SLC30A8: variants seen among roughly 807,000 people sequenced by gnomAD.
SLC30A8 encodes the protein solute carrier family 30 member 8, also known as proton-coupled zinc antiporter SLC30A8.
A neutral mutation model predicts 36.9 loss-of-function variants in SLC30A8; 27 were observed. That is an observed-to-expected ratio of 0.73 (90% CI 0.54 to 1.01). The LOEUF is 1.01. SLC30A8 is among the 50% of genes least tolerant of loss of function. The probability of loss-of-function intolerance (pLI) is 0.00; values close to 1 mark genes in which losing one functional copy is unlikely to be tolerated. For missense variants in SLC30A8, 439 were observed against 452.0 expected, an observed-to-expected ratio of 0.97 and a Z score of 0.26; for synonymous variants, 164 against 172.4, an observed-to-expected ratio of 0.95 and a Z score of 0.38.
At chr8:117,101,039 C>T (rs1014642609) in intron 2 of SLC30A8, among the ~76,000 whole-genome samples, 1 of 152,070 alleles carries the variant, frequency 6.6e-6, no homozygotes, top group African/African-American at 2.4e-5. Flanking sequence ...AAGAGTAAAT[C>T]GATTGATGAC....
At chr8:117,071,905 T>C (rs62510508) in intron 2 of SLC30A8, among the ~76,000 whole-genome samples, 8,460 of 152,198 alleles carry the variant, frequency 0.056, 280 homozygotes, top group East Asian at 0.12. Flanking sequence ...CTCTGCCTTG[T>C]TTTATTCTGT....
At chr8:117,158,339 G>A (rs1822608067) in intron 4 of SLC30A8, among the ~76,000 whole-genome samples, 1 of 152,146 alleles carries the variant, frequency 6.6e-6, no homozygotes, top group Non-Finnish European at 1.5e-5. Flanking sequence ...CCAGTGAGCT[G>A]GGTGGAAAGG....
chr8:117,008,107 G>A (rs1816238829), intron 1 of SLC30A8, among the ~76,000 whole-genome samples: 1 of 152,176 alleles, frequency 6.6e-6, no homozygotes, highest in Non-Finnish European at 1.5e-5. Flanking sequence ...CCACTACATA[G>A]TAAACTATTT....
At chr8:117,111,692 G>T (rs970062018) in intron 2 of SLC30A8, among the ~76,000 whole-genome samples, 6 of 152,066 alleles carry the variant, frequency 3.9e-5, no homozygotes, top group Non-Finnish European at 5.9e-5. Flanking sequence ...CTACAATATA[G>T]GTCTGAGGGG....
rs974748547 is a variant in SLC30A8, at chr8:117,029,431, AG to A, written c.-265-9787del. On this transcript the variant is annotated intron_variant, in intron 1 of 10. Coordinates refer to the SLC30A8 transcript ENST00000427715. Reference sequence around the variant, plus strand: ...AATGAGATTGGAAATTTAGTTTCAGAGCCAGACCTTCAAGGTTAAAACATCA... The same window carrying A: ...AATGAGATTGGAAATTTAGTTTCAGACCAGACCTTCAAGGTTAAAACATCA... 7.2e-5 allele frequency among the ~76,000 whole-genome samples: 11 copies of A among 152,340 alleles called. No homozygotes were observed. The South Asian group carries it at 2.1e-3, about 29-fold the overall frequency.
intron 1 of SLC30A8, among the ~76,000 whole-genome samples, chr8:117,023,900 A>G (rs1435183297): frequency 6.6e-6 from 1 of 152,032 alleles, no homozygotes; most frequent in Non-Finnish European, 1.5e-5. Context: ...AACTTGAAAA[A>G]GTCTTAAGGT....
chr8:117,158,954 G>A (rs908610138), intron 4 of SLC30A8, among the ~76,000 whole-genome samples: 2 of 152,248 alleles, frequency 1.3e-5, no homozygotes, highest in Non-Finnish European at 2.9e-5. Context: ...AATTATCCTT[G>A]ATTATCCAGG....
chr8:117,096,885 A>G (rs1271637681), intron 2 of SLC30A8, among the ~76,000 whole-genome samples: 5 of 151,918 alleles, frequency 3.3e-5, no homozygotes, highest in Non-Finnish European at 7.4e-5. Flanking sequence ...CACACACAAA[A>G]TCATGGAGTA....
At chr8:117,097,724 A>T (rs183073883) in intron 2 of SLC30A8, among the ~76,000 whole-genome samples, 1 of 35,716 alleles carries the variant, frequency 2.8e-5, no homozygotes, top group Non-Finnish European at 4.0e-5. Flanking sequence ...TATATATTAT[A>T]TATAATATAT....
At chr8:117,074,032 T>C (rs1028224510) in intron 2 of SLC30A8, among the ~76,000 whole-genome samples, 1 of 4,584 alleles carries the variant, frequency 2.2e-4, no homozygotes, top group Non-Finnish European at 4.3e-4. Flanking sequence ...TTGGGGCGGG[T>C]GGGTGGGGGT....
At chr8:117,109,314 C>A (rs1820126368) in intron 2 of SLC30A8, among the ~76,000 whole-genome samples, 1 of 152,252 alleles carries the variant, frequency 6.6e-6, no homozygotes, top group Admixed American at 6.5e-5. Context: ...GATGGGCAGG[C>A]AACAGCTGTC....
At chr8:117,042,578 T>TA (rs953360655) in intron 2 of SLC30A8, among the ~76,000 whole-genome samples, 43 of 152,164 alleles carry the variant, frequency 2.8e-4, no homozygotes, top group African/African-American at 9.9e-4. Flanking sequence ...TCCTTACATT[T>TA]AAAGTCCTGC....
rs561309772 is a variant in SLC30A8, at chr8:117,085,944, T to C, written c.-226+46686T>C. ...GAAGAACAAAATAATTCCAAGAGAGTTGAAGGATTTTGGATAAGGGATGAT... is the reference window on the plus strand; with the variant it reads ...GAAGAACAAAATAATTCCAAGAGAGCTGAAGGATTTTGGATAAGGGATGAT... On this transcript the variant is annotated intron_variant, in intron 2 of 10. Coordinates refer to the SLC30A8 transcript ENST00000427715. Among the ~76,000 whole-genome samples the C allele has an allele frequency of 7.9e-5, 12 of 151,952 alleles. No homozygotes were observed. The East Asian group carries it at 2.1e-3, about 27-fold the overall frequency.
intron 2 of SLC30A8, among the ~76,000 whole-genome samples, chr8:117,087,699 T>C (rs1818936010): frequency 1.3e-5 from 2 of 152,322 alleles, no homozygotes; most frequent in South Asian, 4.1e-4. Flanking sequence ...TAGCAACTGA[T>C]GATACTTTTC....
intron 1 of SLC30A8, among the ~76,000 whole-genome samples, chr8:116,995,456 C>T (rs1815782780): frequency 6.6e-6 from 1 of 152,020 alleles, no homozygotes; most frequent in Non-Finnish European, 1.5e-5. Context: ...ACTGGCAGTA[C>T]CCAGCAGAAT....
intron 1 of SLC30A8, among the ~76,000 whole-genome samples, chr8:117,143,401 A>T (rs769285225): frequency 1.2e-4 from 19 of 152,114 alleles, no homozygotes; most frequent in Admixed American, 1.3e-4. Context: ...GGAATCTTCC[A>T]GGATTTATTC....
chr8:116,969,226 CG>C (rs1814702720), intron 1 of SLC30A8, among the ~76,000 whole-genome samples: 2 of 151,794 alleles, frequency 1.3e-5, no homozygotes, highest in Admixed American at 6.6e-5. Context: ...GAGACCAGCC[CG>C]GCCAACATGG....
intron 1 of SLC30A8, among the ~76,000 whole-genome samples, chr8:116,969,936 G>A (rs575522837): frequency 6.6e-6 from 1 of 152,032 alleles, no homozygotes; most frequent in African/African-American, 2.4e-5. Flanking sequence ...GTATGCTTAG[G>A]CTACACTAAA....
chr8:117,107,754 G>A (rs1314405164), intron 2 of SLC30A8, among the ~76,000 whole-genome samples: 1 of 152,094 alleles, frequency 6.6e-6, no homozygotes, highest in Non-Finnish European at 1.5e-5. Flanking sequence ...GTAAAAACCA[G>A]TAATAACTAA....
Sources: gnomAD v4.1 joint callset for allele counts (sites outside exome capture counted in the v4.1 genomes callset) on GRCh38, gnomAD v4.1.1 for gene constraint, MANE v1.5 for transcripts, NCBI Gene and HGNC (gene_info 2026-07-23, HGNC 2026-07-21) for gene names.